DENND2B: variants seen among roughly 807,000 people sequenced by gnomAD.
DENND2B encodes DENN domain-containing protein 2B.
In DENND2B, 32 loss-of-function variants were observed where a neutral mutation model predicts 116.0. The ratio of observed to expected loss-of-function variants is 0.28; its 90% confidence interval spans 0.21 to 0.37. The LOEUF (loss-of-function observed/expected upper bound fraction) is 0.37, where lower values mean the gene tolerates loss of function less well. Among genes scored for constraint, DENND2B ranks in the 10% least tolerant of loss-of-function variants. The probability of loss-of-function intolerance (pLI) is 1.00; values close to 1 mark genes in which losing one functional copy is unlikely to be tolerated. For missense variants in DENND2B, 1,276 were observed against 1,477.7 expected (o/e 0.86, Z 2.24); for synonymous variants, 588 against 583.9 (o/e 1.01, Z -0.10).
At position 8,712,868 on chromosome 11, in the gene DENND2B, A is replaced by T; in HGVS notation, c.1988-133T>A. 1.1e-6 allele frequency: 1 copy of T among 948,450 alleles called. No homozygotes were observed. Among genetic ancestry groups the T allele is most frequent in the Non-Finnish European group, 1.5e-6 (1 of 655,852 alleles). 58.8% of individuals were successfully genotyped at this position (948,450 alleles called of 1,614,324 possible). A position where few individuals can be genotyped will look rare whatever the true frequency, so the allele number is the denominator to read the frequency against. On this transcript the variant is annotated intron_variant, in intron 8 of 19. Coordinates refer to ENST00000313726, the MANE Select transcript of DENND2B (RefSeq NM_213618.2). This position sits in a 1 kb window ranked among gnomAD's most constrained non-coding sequence, Gnocchi z 4.4. The stretch of plus-strand genomic sequence containing the variant: ...CCTAGTCTGATACCATCCCCAGCTC[A>T]CAGTGCAGGAGGACCGGCAGGCACA...
At chr11:8,810,790 T>C (rs893107294), upstream of DENND2B, 5 of 147,096 alleles carry the variant, frequency 3.4e-5, no homozygotes, top group Admixed American at 6.6e-5. Context: ...CGCTCTCTTT[T>C]TCTTTCTTTC....
At position 8,759,670 on chromosome 11, in the gene DENND2B, G is replaced by A. The variant is rs529446268; in HGVS notation, c.-25-8945C>T. ...GGAAAGGGCCAGCAATACAGTGACA[G>A]TATAGTGACCCAACAGTGTGCAGCT... On this transcript the variant is annotated intron_variant, in intron 1 of 19. Transcript: ENST00000313726. 2.6e-5 allele frequency among the ~76,000 whole-genome samples: 4 copies of A among 152,362 alleles called. No individual in the cohort carries two copies. The South Asian group carries it at 8.3e-4, about 32-fold the overall frequency.
At chr11:8,906,583 G>C (rs1455956626) in intron 1 of DENND2B, among the ~76,000 whole-genome samples, 1 of 148,470 alleles carries the variant, frequency 6.7e-6, no homozygotes, top group Non-Finnish European at 1.5e-5. Flanking sequence ...CTATTCCTTT[G>C]ATCTCTGACT....
intron 19 of DENND2B, chr11:8,694,633 A>G (rs984039665): frequency 4.4e-6 from 2 of 456,158 alleles, no homozygotes; most frequent in Non-Finnish European, 8.8e-6. Context: ...TTCTGCGTCC[A>G]TGGGTTCCAT....
At chr11:8,718,629 CCTG>C in intron 4 of DENND2B, 1 of 1,317,966 alleles carries the variant, frequency 7.6e-7, no homozygotes. Flanking sequence ...AACAAACTCT[CCTG>C]CTGTGACACA....
At chr11:8,788,693 T>A (rs1219274432) in intron 1 of DENND2B, among the ~76,000 whole-genome samples, 1 of 152,210 alleles carries the variant, frequency 6.6e-6, no homozygotes, top group Admixed American at 6.5e-5. Context: ...ACTGATTCCC[T>A]GACATCAATT....
intron 2 of DENND2B, among the ~76,000 whole-genome samples, chr11:8,744,487 A>G (rs1220020121): frequency 2.0e-5 from 3 of 152,154 alleles, no homozygotes; most frequent in Middle Eastern, 3.2e-3. Flanking sequence ...AAGAGCAGAG[A>G]TAGTACAAAA....
intron 6 of DENND2B, 35 bp downstream of exon 6, chr11:8,715,568 G>T: frequency 6.2e-7 from 1 of 1,605,708 alleles, no homozygotes; most frequent in African/African-American, 1.3e-5. Flanking sequence ...CCGCCCACCT[G>T]CCCGGCTCCA....
rs183936425 is a variant in DENND2B at position 8,734,808 on chromosome 11, A to G, written c.81-3599T>C. ...AAGAGTCTCAAAAAAAAAAAAAAAA[A>G]AAAGAAAGATCACATATCTCAGAGA... On this transcript the variant is annotated intron_variant, in intron 2 of 19. Coordinates refer to ENST00000313726, the MANE Select transcript of DENND2B (RefSeq NM_213618.2). Among the ~76,000 whole-genome samples the G allele has an allele frequency of 2.8e-3, 420 of 151,630 alleles. 4 individuals carry two copies. Among genetic ancestry groups the G allele is most frequent in the African/African-American group, 8.6e-3 (354 of 41,358 alleles).
chr11:8,884,427 A>G (rs1489931986), intron 1 of DENND2B, among the ~76,000 whole-genome samples: 1 of 152,146 alleles, frequency 6.6e-6, no homozygotes. Flanking sequence ...CCTGGGCTCA[A>G]GCAATCTTCC....
At chr11:8,845,345 G>C (rs758927332) in intron 3 of DENND2B, 8 of 152,134 alleles carry the variant, frequency 5.3e-5, no homozygotes, top group Non-Finnish European at 8.8e-5. Context: ...GTACTTGAAT[G>C]GGAGAAGTAA....
At chr11:8,794,614 CAGAAA>C (rs2059655835) in intron 1 of DENND2B, 1 of 152,226 alleles carries the variant, frequency 6.6e-6, no homozygotes, top group East Asian at 1.9e-4. Flanking sequence ...GAAGCAAGCC[CAGAAA>C]AGAATTCAAG....
intron 4 of DENND2B, among the ~76,000 whole-genome samples, chr11:8,832,759 TCA>T (rs1288190690): frequency 6.6e-6 from 1 of 152,208 alleles, no homozygotes; most frequent in Non-Finnish European, 1.5e-5. Flanking sequence ...CACTGGGTTC[TCA>T]CAACAAGGAT....
chr11:8,769,506 C>T (rs1481302640), intron 1 of DENND2B, among the ~76,000 whole-genome samples: 1 of 152,016 alleles, frequency 6.6e-6, no homozygotes, highest in East Asian at 1.9e-4. Flanking sequence ...CTGATCCACC[C>T]GCCTCGGCCT....
chr11:8,872,266 C>G (rs1046920240), upstream of DENND2B, among the ~76,000 whole-genome samples: 1 of 152,062 alleles, frequency 6.6e-6, no homozygotes, highest in Non-Finnish European at 1.5e-5. Flanking sequence ...GTGGGCGGAT[C>G]ACTTCAGGTC....
intron 1 of DENND2B, among the ~76,000 whole-genome samples, chr11:8,802,111 G>GAA (rs2060402122): frequency 6.6e-6 from 1 of 151,870 alleles, no homozygotes; most frequent in Non-Finnish European, 1.5e-5. Context: ...GACCAGCGTG[G>GAA]CTAATATGGC....
upstream of DENND2B, among the ~76,000 whole-genome samples, chr11:8,874,598 C>G (rs945938848): frequency 6.6e-6 from 1 of 152,046 alleles, no homozygotes; most frequent in Non-Finnish European, 1.5e-5. Context: ...CCTAGGTACT[C>G]TGCCTGTAAT....
intron 4 of DENND2B, among the ~76,000 whole-genome samples, chr11:8,724,349 C>G (rs1025172625): frequency 6.6e-6 from 1 of 152,110 alleles, no homozygotes. Context: ...TCCCTCTACC[C>G]TGGGCCACTT....
chr11:8,865,946 A>T (rs2063559759), intron 2 of DENND2B, among the ~76,000 whole-genome samples: 1 of 151,060 alleles, frequency 6.6e-6, no homozygotes, highest in African/African-American at 2.4e-5. Context: ...TTGCAGCCCT[A>T]TTTTTCTTTT....
Sources: allele counts gnomAD v4.1 joint callset (sites outside exome capture counted in the v4.1 genomes callset), GRCh38; gene constraint gnomAD v4.1.1; non-coding constraint Gnocchi (gnomAD v3.1); transcripts MANE v1.5; gene names NCBI Gene and HGNC (gene_info 2026-07-23, HGNC 2026-07-21).